Variants in KCNQ1 observed in about 807,000 individuals in gnomAD.
KCNQ1 encodes potassium voltage-gated channel subfamily Q member 1.
KCNQ1 carries 49 observed loss-of-function variants against 72.4 expected under a neutral mutation model. The observed-to-expected ratio is 0.68, with a 90% CI of 0.54 to 0.86. KCNQ1 has a LOEUF of 0.86. KCNQ1 is among the 40% of genes least tolerant of loss of function. The pLI, the probability that KCNQ1 is intolerant of heterozygous loss-of-function variation, is 0.00. For synonymous variants in KCNQ1, 450 were observed against 412.6 expected, an observed-to-expected ratio of 1.09 and a Z score of -1.10; for missense variants, 790 against 945.1, an observed-to-expected ratio of 0.84 and a Z score of 2.15.
intron 2 of KCNQ1, among the ~76,000 whole-genome samples, chr11:2,532,899 C>A (rs1362192206): frequency 6.6e-6 from 1 of 152,142 alleles, no homozygotes; most frequent in Non-Finnish European, 1.5e-5. Flanking sequence ...CGGGGAGGTA[C>A]GAGAAGCAAA....
In KCNQ1 at chr11:2,675,154, G is replaced by A. The variant is rs541635433; in HGVS notation, c.1514+13073G>A. ...TTCTCCCATCCTTCACCCTATTAGAGGTAGTGCTCTAGCGGGGAAAGATTA... is the reference window on the plus strand; with the variant it reads ...TTCTCCCATCCTTCACCCTATTAGAAGTAGTGCTCTAGCGGGGAAAGATTA... On this transcript the variant is annotated intron_variant, in intron 11 of 15. Transcript: ENST00000155840. 1.2e-4 allele frequency: 48 copies of A among 398,602 alleles called. No homozygotes were observed. The South Asian group carries it at 4.3e-3, about 36-fold the overall frequency. 24.7% of individuals were successfully genotyped at this position (398,602 alleles called of 1,614,324 possible). A position where few individuals can be genotyped will look rare whatever the true frequency, so the allele number is the denominator to read the frequency against.
At chr11:2,747,034 C>T (rs1846151657) in intron 11 of KCNQ1, among the ~76,000 whole-genome samples, 1 of 152,224 alleles carries the variant, frequency 6.6e-6, no homozygotes, top group Non-Finnish European at 1.5e-5. Context: ...TGGCCCTTCT[C>T]AAAGACGGGT....
chr11:2,578,779 GC>G lies in KCNQ1; in HGVS notation c.922-4655del, dbSNP rs543136871. On this transcript the variant is annotated intron_variant, in intron 6 of 15. Coordinates refer to ENST00000155840, the MANE Select transcript of KCNQ1 (RefSeq NM_000218.3). ...GGGCAGGCTGGGCTCTCGAGGCTGG[GC>G]AAGGTCGGGGCCTGCAATGGCTGAA... Among the ~76,000 whole-genome samples, 235 of 152,368 alleles carry G rather than the reference GC, an allele frequency of 1.5e-3. 1 individual carries two copies. The highest frequency in any genetic ancestry group is 2.7e-3 in the Non-Finnish European group (184 of 68,028).
At chr11:2,699,121 C>T (rs2133901433) in intron 11 of KCNQ1, 3 of 398,652 alleles carry the variant, frequency 7.5e-6, no homozygotes, top group South Asian at 1.3e-4. Flanking sequence ...AACCACGATG[C>T]GGATTCCAGA....
intron 11 of KCNQ1, among the ~76,000 whole-genome samples, chr11:2,761,604 G>C (rs1322883055): frequency 1.3e-5 from 2 of 152,328 alleles, no homozygotes; most frequent in East Asian, 3.9e-4. Flanking sequence ...ATCACTACCA[G>C]GAAAGGCCAC....
Position 2,788,368 on chromosome 11 carries a change from T to C in KCNQ1, c.1794+10331T>C, listed in dbSNP as rs149586317. ...GCGTAGCTTCGCAACTGGAAGGTGC[T>C]GCTCAGCAGACTGTGAGAAGTGTGT... On this transcript the variant is annotated intron_variant, in intron 15 of 15. Coordinates refer to ENST00000155840, the MANE Select transcript of KCNQ1 (RefSeq NM_000218.3). Among the ~76,000 whole-genome samples the C allele has an allele frequency of 1.8e-4, 28 of 152,358 alleles. 1 individual carries two copies. In the East Asian group the frequency reaches 5.4e-3, roughly 29 times the overall value.
At chr11:2,583,612 C>A (rs1848539422) in intron 7 of KCNQ1, 67 bp downstream of exon 7, 8 of 1,090,472 alleles carry the variant, frequency 7.3e-6, no homozygotes, top group South Asian at 1.2e-5. Flanking sequence ...TGGCTGCACG[C>A]CCCTCCCTGT....
intron 15 of KCNQ1, among the ~76,000 whole-genome samples, chr11:2,796,953 G>A (rs1371473351): frequency 1.3e-5 from 2 of 152,208 alleles, no homozygotes; most frequent in Admixed American, 6.5e-5. Flanking sequence ...TGCCTGTCCC[G>A]GGCCTAACCC....
chr11:2,517,019 C>T (rs1008016214), intron 1 of KCNQ1, among the ~76,000 whole-genome samples: 6 of 152,172 alleles, frequency 3.9e-5, no homozygotes, highest in African/African-American at 1.2e-4. Context: ...TCAAGCACGG[C>T]TGTGTTCACC....
At chr11:2,718,388 T>C (rs1349178372) in intron 11 of KCNQ1, among the ~76,000 whole-genome samples, 1 of 152,058 alleles carries the variant, frequency 6.6e-6, no homozygotes, top group Non-Finnish European at 1.5e-5. Context: ...TCAGGGCCCC[T>C]CCTGAAGCCG....
chr11:2,548,586 A>T (rs1329454487), intron 2 of KCNQ1, among the ~76,000 whole-genome samples: 1 of 152,242 alleles, frequency 6.6e-6, no homozygotes. Flanking sequence ...CATTCTGCTA[A>T]GACATCTCAG....
chr11:2,823,313 T>C (rs1443555428), intron 15 of KCNQ1, among the ~76,000 whole-genome samples: 3 of 152,342 alleles, frequency 2.0e-5, no homozygotes, highest in African/African-American at 7.2e-5. Flanking sequence ...ATTCTATACC[T>C]AGCCAAAGTA....
chr11:2,451,656 G>A lies in KCNQ1; in HGVS notation c.386+6172G>A, dbSNP rs1172288120. On this transcript the variant is annotated intron_variant, in intron 1 of 15. Coordinates refer to ENST00000155840, the MANE Select transcript of KCNQ1 (RefSeq NM_000218.3). The surrounding 1 kb of genome is among the most constrained non-coding windows in gnomAD (Gnocchi z 6.4). ...GGAGTCTGTTGGCATCTGCCTGGCC[G>A]CCTCTGGCAGGAACTTCTCCTGATG... 3.3e-5 allele frequency among the ~76,000 whole-genome samples: 5 copies of A among 152,176 alleles called. No homozygotes were observed. Among genetic ancestry groups the A allele is most frequent in the Non-Finnish European group, 5.9e-5 (4 of 68,020 alleles).
chr11:2,470,001 C>T (rs1413181305), intron 1 of KCNQ1, among the ~76,000 whole-genome samples: 1 of 152,132 alleles, frequency 6.6e-6, no homozygotes. Context: ...CTCACTCTGT[C>T]GCCCAGGTTG....
chr11:2,690,489 C>A lies in KCNQ1; in HGVS notation c.1514+28408C>A, dbSNP rs970638882. The A allele has an allele frequency of 2.5e-6, 1 of 398,598 alleles. No individual in the cohort carries two copies. Among genetic ancestry groups the A allele is most frequent in the East Asian group, 3.6e-5 (1 of 28,086 alleles). 24.7% of individuals were successfully genotyped at this position (398,598 alleles called of 1,614,324 possible). A position where few individuals can be genotyped will look rare whatever the true frequency, so the allele number is the denominator to read the frequency against. ...GGGTCCTGGGAACAGCCACTGGGCCCAGTCGGGGGGGTCTCAGCACCTATC... is the reference window on the plus strand; with the variant it reads ...GGGTCCTGGGAACAGCCACTGGGCCAAGTCGGGGGGGTCTCAGCACCTATC... On this transcript the variant is annotated intron_variant, in intron 11 of 15. Transcript: ENST00000155840. The surrounding 1 kb of genome is among the most constrained non-coding windows in gnomAD (Gnocchi z 5.1).
At chr11:2,793,150 A>G (rs1339466898) in intron 15 of KCNQ1, among the ~76,000 whole-genome samples, 2 of 152,204 alleles carry the variant, frequency 1.3e-5, no homozygotes, top group Non-Finnish European at 2.9e-5. Context: ...AAATGGGTTC[A>G]GCCTCATGGG....
Position 2,536,419 on chromosome 11 carries a change from AGGCTGGCGCTGCCCTGCCCCACAGGGT to A in KCNQ1, c.477+8409_477+8435del, listed in dbSNP as rs1429659744. ...TGCCCCGAGTGCCTTGTTGGAGTGG[AGGCTGGCGCTGCCCTGCCCCACAGGGT>A]GGCTGGCAGGGCTCAGCAGTTGCCT... On this transcript the variant is annotated intron_variant, in intron 2 of 15. Coordinates refer to ENST00000155840, the MANE Select transcript of KCNQ1 (RefSeq NM_000218.3). The surrounding 1 kb of genome is among the most constrained non-coding windows in gnomAD (Gnocchi z 7.4). Among the ~76,000 whole-genome samples, 1 of 151,068 alleles carries A rather than the reference AGGCTGGCGCTGCCCTGCCCCACAGGGT, an allele frequency of 6.6e-6. No individual in the cohort carries two copies. Among genetic ancestry groups the A allele is most frequent in the Non-Finnish European group, 1.5e-5 (1 of 67,912 alleles).
chr11:2,484,909 A>T lies in KCNQ1; in HGVS notation c.386+39425A>T, dbSNP rs747516533. On this transcript the variant is annotated intron_variant, in intron 1 of 15. Coordinates refer to ENST00000155840, the MANE Select transcript of KCNQ1 (RefSeq NM_000218.3). The surrounding 1 kb of genome is among the most constrained non-coding windows in gnomAD (Gnocchi z 5.2). ...CTCTTTGTTGTAACACCTTTCTTCAATAGTGAGAAACCTGGCTCTCTCACC... is the reference window on the plus strand; with the variant it reads ...CTCTTTGTTGTAACACCTTTCTTCATTAGTGAGAAACCTGGCTCTCTCACC... Among the ~76,000 whole-genome samples the T allele has an allele frequency of 6.6e-6, 1 of 152,104 alleles. No individual in the cohort carries two copies. The highest frequency in any genetic ancestry group is 2.1e-4 in the South Asian group (1 of 4,814).
Position 2,698,773 on chromosome 11 carries a change from C to T in KCNQ1, c.1514+36692C>T. Reference sequence around the variant, plus strand: ...TCAGAGCCATGATGCAGACTCCAGACCGGGATTCAGGTCCCCAACTCAGAC... The same window carrying T: ...TCAGAGCCATGATGCAGACTCCAGATCGGGATTCAGGTCCCCAACTCAGAC... On this transcript the variant is annotated intron_variant, in intron 11 of 15. Transcript: ENST00000155840. The surrounding 1 kb of genome is among the most constrained non-coding windows in gnomAD (Gnocchi z 5.1). The T allele has an allele frequency of 2.5e-6, 1 of 398,852 alleles. No homozygotes were observed. The highest frequency in any genetic ancestry group is 3.6e-5 in the East Asian group (1 of 28,060). The allele number at this position is 398,852 out of a possible 1,614,324, so 24.7% of individuals were successfully genotyped here.
Sources: gnomAD v4.1 joint callset for allele counts (sites outside exome capture counted in the v4.1 genomes callset) on GRCh38, gnomAD v4.1.1 for gene constraint, Gnocchi (gnomAD v3.1) non-coding constraint, MANE v1.5 for transcripts, NCBI Gene and HGNC (gene_info 2026-07-23, HGNC 2026-07-21) for gene names.